The following DTNA variants were observed in gnomAD, a reference collection of about 807,000 sequenced individuals.
DTNA encodes dystrophin-related protein 3.
A neutral mutation model predicts 100.7 loss-of-function variants in DTNA; 43 were observed. The ratio of observed to expected loss-of-function variants is 0.43; its 90% CI spans 0.33 to 0.55. The LOEUF (loss-of-function observed/expected upper bound fraction) is 0.55. DTNA is among the 20% of genes least tolerant of loss of function. The pLI is 0.04. For synonymous variants in DTNA, 349 were observed against 347.9 expected, an observed-to-expected ratio of 1.00 and a Z score of -0.04; for missense variants, 798 against 953.9, an observed-to-expected ratio of 0.84 and a Z score of 2.15.
chr18:34,498,040 G>A (rs2039448440), intron 1 of DTNA, among the ~76,000 whole-genome samples: 1 of 152,112 alleles, frequency 6.6e-6, no homozygotes, highest in South Asian at 2.1e-4. Flanking sequence ...CAGCACTTTG[G>A]GAGGCCAAGG....
intron 1 of DTNA, among the ~76,000 whole-genome samples, chr18:34,495,920 A>G (rs1322244128): frequency 6.6e-6 from 1 of 151,948 alleles, no homozygotes; most frequent in East Asian, 1.9e-4. Flanking sequence ...CACAATATTC[A>G]TTTTATTGGG....
chr18:34,711,065 G>A (rs555144814), intron 1 of DTNA, among the ~76,000 whole-genome samples: 2 of 152,174 alleles, frequency 1.3e-5, no homozygotes, highest in South Asian at 4.2e-4. Context: ...GGCTGTATGT[G>A]TGATACAGGA....
intron 3 of DTNA, among the ~76,000 whole-genome samples, chr18:34,781,542 A>G (rs1005853304): frequency 8.5e-5 from 13 of 152,072 alleles, no homozygotes; most frequent in Admixed American, 3.9e-4. Context: ...TCTTTATACT[A>G]TATTGATTTA....
At chr18:34,755,918 T>C (rs942276127) in intron 1 of DTNA, 58 bp from the exon 2 acceptor site, 1 of 1,474,494 alleles carries the variant, frequency 6.8e-7, no homozygotes, top group Non-Finnish European at 9.5e-7. Context: ...TACAGAGAAA[T>C]GGCTTCTTGC....
intron 1 of DTNA, among the ~76,000 whole-genome samples, chr18:34,535,083 G>T (rs1216369657): frequency 6.6e-6 from 1 of 152,122 alleles, no homozygotes; most frequent in African/African-American, 2.4e-5. Context: ...GTTCCACAAT[G>T]GTTGAACTAA....
chr18:34,762,341 T>G (rs997520722), intron 2 of DTNA, among the ~76,000 whole-genome samples: 3 of 152,156 alleles, frequency 2.0e-5, no homozygotes, highest in Non-Finnish European at 1.5e-5. Flanking sequence ...TAGGTAGATT[T>G]ATGGGGGATG....
intron 1 of DTNA, among the ~76,000 whole-genome samples, chr18:34,512,024 G>A (rs1395451509): frequency 6.6e-6 from 1 of 151,918 alleles, no homozygotes; most frequent in Non-Finnish European, 1.5e-5. Context: ...CTCTGCATCT[G>A]TTGAATGCCC....
chr18:34,845,157 G>C (rs925497048), intron 13 of DTNA, among the ~76,000 whole-genome samples: 1 of 152,146 alleles, frequency 6.6e-6, no homozygotes, highest in Admixed American at 6.6e-5. Context: ...TCTTGAAATA[G>C]AGGAATTTAT....
At chr18:34,604,617 G>A (rs1045816079) in intron 1 of DTNA, among the ~76,000 whole-genome samples, 8 of 152,130 alleles carry the variant, frequency 5.3e-5, no homozygotes, top group African/African-American at 1.9e-4. Flanking sequence ...AAACTGCCTA[G>A]CACCTAGAAC....
At chr18:34,783,049 T>C (rs2094391621) in intron 3 of DTNA, among the ~76,000 whole-genome samples, 1 of 152,226 alleles carries the variant, frequency 6.6e-6, no homozygotes, top group Non-Finnish European at 1.5e-5. Flanking sequence ...TTTTCTTGCT[T>C]CTAAAGTGAT....
intron 13 of DTNA, 83 bp from the exon 14 acceptor site, chr18:34,848,213 T>C (rs2096414318): frequency 2.3e-6 from 3 of 1,331,046 alleles, no homozygotes; most frequent in African/African-American, 1.4e-5. Context: ...AACATTGAAA[T>C]AGTAAAAACT....
chr18:34,815,469 C>G (rs1167344291), intron 6 of DTNA: 3 of 211,936 alleles, frequency 1.4e-5, no homozygotes, highest in African/African-American at 7.1e-5. Context: ...ATATTTAGTA[C>G]TTAAGGAAGT....
At chr18:34,858,441 T>C in intron 16 of DTNA, 43 bp downstream of exon 16, 2 of 1,594,684 alleles carry the variant, frequency 1.3e-6, no homozygotes, top group Non-Finnish European at 1.7e-6. Flanking sequence ...TATATATGTG[T>C]CAGATCTTTG....
intron 1 of DTNA, among the ~76,000 whole-genome samples, chr18:34,573,397 C>G (rs560737824): frequency 6.6e-6 from 1 of 152,134 alleles, no homozygotes; most frequent in Admixed American, 6.5e-5. Flanking sequence ...TGCCTAAAAT[C>G]CCGTTTTAAG....
chr18:34,496,242 A>ACACACACG (rs2039205194), intron 1 of DTNA, among the ~76,000 whole-genome samples: 1 of 149,392 alleles, frequency 6.7e-6, no homozygotes, highest in Non-Finnish European at 1.5e-5. Context: ...ACACACACAC[A>ACACACACG]CACCAGAATT....
chr18:34,746,858 G>C (rs2147929460), intron 1 of DTNA, among the ~76,000 whole-genome samples: 1 of 152,226 alleles, frequency 6.6e-6, no homozygotes, highest in South Asian at 2.1e-4. Flanking sequence ...GATACCAGCT[G>C]CTATTGAGCA....
intron 2 of DTNA, among the ~76,000 whole-genome samples, chr18:34,763,930 C>T (rs934249563): frequency 4.6e-5 from 7 of 152,086 alleles, no homozygotes; most frequent in African/African-American, 1.7e-4. Flanking sequence ...TTTTAAAGTC[C>T]ATGATGACAA....
intron 3 of DTNA, among the ~76,000 whole-genome samples, chr18:34,772,182 T>C (rs1412562959): frequency 6.6e-6 from 1 of 152,222 alleles, no homozygotes; most frequent in Non-Finnish European, 1.5e-5. Context: ...CCATTAGTCA[T>C]ATCAACTAAA....
chr18:34,810,533 G>A (rs1423889995), intron 5 of DTNA, among the ~76,000 whole-genome samples: 4 of 151,492 alleles, frequency 2.6e-5, no homozygotes, highest in Non-Finnish European at 5.9e-5. Context: ...GCTGGGAAGG[G>A]TAGGGGGCTG....
Sources: allele counts gnomAD v4.1 joint callset (sites outside exome capture counted in the v4.1 genomes callset), GRCh38; gene constraint gnomAD v4.1.1; transcripts MANE v1.5; gene names NCBI Gene and HGNC (gene_info 2026-07-23, HGNC 2026-07-21).